Variants in FRMD4A observed in about 807,000 individuals in gnomAD.
FRMD4A encodes the protein FERM domain containing 4A.
FRMD4A carries 29 observed loss-of-function variants against 129.1 expected under a neutral mutation model. The ratio of observed to expected loss-of-function variants is 0.22; its 90% CI spans 0.17 to 0.31. The LOEUF (loss-of-function observed/expected upper bound fraction) is 0.31, where lower values mean the gene tolerates loss of function less well. Among genes scored for constraint, FRMD4A ranks in the 10% least tolerant of loss-of-function variants. The pLI is 1.00. For synonymous variants in FRMD4A, 634 were observed against 571.6 expected (o/e 1.11, Z -1.56); for missense variants, 1,272 against 1,375.8 (o/e 0.92, Z 1.19).
intron 13 of FRMD4A, among the ~76,000 whole-genome samples, chr10:13,703,643 C>A (rs2087096535): frequency 6.6e-6 from 1 of 152,208 alleles, no homozygotes. Context: ...CATTCCTCTT[C>A]CCTACCTCAA....
At position 14,157,546 on chromosome 10, in the gene FRMD4A, T is replaced by A. The variant is rs114985159; in HGVS notation, c.45+172512A>T. On this transcript the variant is annotated intron_variant, in intron 2 of 24. Transcript: ENST00000357447. ...TAACTGATGCACTGATCACGGTGACTGGAACTCGGCAAATGTCATCATTGT... is the reference window on the plus strand; with the variant it reads ...TAACTGATGCACTGATCACGGTGACAGGAACTCGGCAAATGTCATCATTGT... Among the ~76,000 whole-genome samples, 908 of 152,320 alleles carry A rather than the reference T, an allele frequency of 6.0e-3. 4 individuals are homozygous for A. The highest frequency in any genetic ancestry group is 0.02 in the African/African-American group (852 of 41,566).
Position 13,914,859 on chromosome 10 carries a change from T to TA in FRMD4A, c.46-55948dup, listed in dbSNP as rs1032302606. 1.6e-4 allele frequency among the ~76,000 whole-genome samples: 24 copies of TA among 151,648 alleles called. 1 individual carries two copies. The highest frequency in any genetic ancestry group is 5.6e-4 in the African/African-American group (23 of 41,334). ...AGTGAGACCCCATCTCTACAAAAAA[T>TA]AAAAAAAATTTGCGCATGGCAGCGT... is the stretch of plus-strand genomic sequence containing the variant. On this transcript the variant is annotated intron_variant, in intron 2 of 24. Coordinates refer to ENST00000357447, the MANE Select transcript of FRMD4A (RefSeq NM_018027.5).
At chr10:13,783,280 C>T (rs1564795734) in intron 5 of FRMD4A, among the ~76,000 whole-genome samples, 1 of 152,220 alleles carries the variant, frequency 6.6e-6, no homozygotes, top group African/African-American at 2.4e-5. Flanking sequence ...TAAAACTAGG[C>T]CTCTGATTTC....
At chr10:14,060,492 G>A (rs755882866) in intron 2 of FRMD4A, among the ~76,000 whole-genome samples, 1 of 152,190 alleles carries the variant, frequency 6.6e-6, no homozygotes, top group Non-Finnish European at 1.5e-5. Context: ...GACTACTTGG[G>A]AAGCCAGCCA....
intron 16 of FRMD4A, among the ~76,000 whole-genome samples, chr10:13,673,585 C>T (rs941941280): frequency 7.0e-6 from 1 of 142,670 alleles, no homozygotes; most frequent in Non-Finnish European, 1.5e-5. Context: ...TGCGTGCGCG[C>T]GCGCACACAC....
chr10:13,784,761 G>C (rs925922418), intron 5 of FRMD4A, among the ~76,000 whole-genome samples: 2 of 152,172 alleles, frequency 1.3e-5, no homozygotes, highest in African/African-American at 4.8e-5. Flanking sequence ...GGCTGAGGTG[G>C]GGGGAATCAC....
intron 15 of FRMD4A, among the ~76,000 whole-genome samples, chr10:13,681,434 A>G (rs2084573736): frequency 6.6e-6 from 1 of 152,180 alleles, no homozygotes; most frequent in African/African-American, 2.4e-5. Context: ...TTCAAAGGTT[A>G]TTGATTGAGA....
intron 2 of FRMD4A, among the ~76,000 whole-genome samples, chr10:14,222,073 T>C (rs1843280973): frequency 6.6e-6 from 1 of 152,236 alleles, no homozygotes. Flanking sequence ...GCCATATGTG[T>C]CCAATGTCTC....
At chr10:14,080,696 C>T (rs530411622) in intron 2 of FRMD4A, among the ~76,000 whole-genome samples, 9 of 151,832 alleles carry the variant, frequency 5.9e-5, no homozygotes, top group South Asian at 2.1e-4. Flanking sequence ...CTGAAGACTG[C>T]GAGGGAGGAT....
intron 2 of FRMD4A, among the ~76,000 whole-genome samples, chr10:14,181,255 G>C (rs56041226): frequency 0.043 from 6,595 of 152,276 alleles, 236 homozygotes; most frequent in Non-Finnish European, 0.067. Context: ...TTATTTTCCC[G>C]TGTTTGAAAA....
intron 2 of FRMD4A, among the ~76,000 whole-genome samples, chr10:14,208,154 C>T (rs894292921): frequency 1.3e-5 from 2 of 152,250 alleles, no homozygotes; most frequent in Admixed American, 6.5e-5. Context: ...TATGATCACA[C>T]TACTGGCCTC....
At chr10:14,134,505 T>C (rs954143263) in intron 2 of FRMD4A, among the ~76,000 whole-genome samples, 60 of 149,734 alleles carry the variant, frequency 4.0e-4, no homozygotes, top group African/African-American at 1.4e-3. Context: ...GGGGATGAAT[T>C]GTTGGAGGGA....
intron 15 of FRMD4A, among the ~76,000 whole-genome samples, chr10:13,679,908 G>T (rs186256538): frequency 3.0e-4 from 46 of 152,202 alleles, no homozygotes; most frequent in African/African-American, 1.1e-3. Flanking sequence ...CAGCTCAAAG[G>T]GCGTCAGGAG....
At chr10:13,935,327 A>G (rs1402065689) in intron 2 of FRMD4A, among the ~76,000 whole-genome samples, 1 of 151,760 alleles carries the variant, frequency 6.6e-6, no homozygotes, top group Admixed American at 6.6e-5. Flanking sequence ...AATCCCAGCT[A>G]CTTAGGAGGC....
chr10:13,829,539 C>T (rs1041600285), intron 3 of FRMD4A, among the ~76,000 whole-genome samples: 12 of 152,154 alleles, frequency 7.9e-5, no homozygotes, highest in South Asian at 4.2e-4. Context: ...TCTGTTCCCA[C>T]GTCCAAGCCC....
intron 2 of FRMD4A, among the ~76,000 whole-genome samples, chr10:14,086,255 A>G (rs1027300979): frequency 6.6e-6 from 1 of 152,244 alleles, no homozygotes; most frequent in African/African-American, 2.4e-5. Context: ...TGGTAATAAA[A>G]AAAATCTTTC....
At chr10:13,681,680 A>C (rs1468896486) in intron 15 of FRMD4A, among the ~76,000 whole-genome samples, 1 of 152,186 alleles carries the variant, frequency 6.6e-6, no homozygotes, top group African/African-American at 2.4e-5. Flanking sequence ...CTTCCTCTAA[A>C]GCCAAAGCTC....
intron 2 of FRMD4A, among the ~76,000 whole-genome samples, chr10:14,206,506 A>C (rs2065348081): frequency 6.6e-6 from 1 of 152,128 alleles, no homozygotes; most frequent in Non-Finnish European, 1.5e-5. Flanking sequence ...CTAATCTTTA[A>C]AAAGAGAAAG....
intron 2 of FRMD4A, among the ~76,000 whole-genome samples, chr10:14,168,613 T>G (rs1841314453): frequency 6.6e-6 from 1 of 152,220 alleles, no homozygotes; most frequent in Non-Finnish European, 1.5e-5. Flanking sequence ...TGACAATTTA[T>G]TCCAGGCATT....
Sources: gnomAD v4.1 joint callset for allele counts (sites outside exome capture counted in the v4.1 genomes callset) on GRCh38, gnomAD v4.1.1 for gene constraint, MANE v1.5 for transcripts, NCBI Gene and HGNC (gene_info 2026-07-23, HGNC 2026-07-21) for gene names.